Variants in CHCHD5 observed in about 807,000 individuals in gnomAD.
The protein encoded by CHCHD5 is coiled-coil-helix-coiled-coil-helix domain containing 5, also known as coiled-coil-helix-coiled-coil-helix domain-containing protein 5.
Under a neutral mutation model 16.0 loss-of-function variants are expected in CHCHD5, and 10 were observed. That is an observed-to-expected ratio of 0.63 (90% confidence interval 0.39 to 1.06). The LOEUF is 1.06. CHCHD5 is among the 50% of genes least tolerant of loss of function. The pLI, the probability that CHCHD5 is intolerant of heterozygous loss-of-function variation, is 0.01. For missense variants in CHCHD5, 163 were observed against 153.4 expected (o/e 1.06, Z -0.33); for synonymous variants, 55 against 56.3 (o/e 0.98, Z 0.10).
chr2:112,584,695 C>G, intron 1 of CHCHD5, 46 bp downstream of exon 1: 1 of 1,612,376 alleles, frequency 6.2e-7, no homozygotes, highest in Non-Finnish European at 8.5e-7. Context: ...CGCTCCCCTT[C>G]TTTTACCCAG....
At chr2:112,588,216 G>A (rs1382973934) in intron 3 of CHCHD5, 2 of 152,022 alleles carry the variant, frequency 1.3e-5, no homozygotes, top group Admixed American at 6.6e-5. Flanking sequence ...CTTGAACCCA[G>A]GAGGCAGAGG....
intron 1 of CHCHD5, 29 bp downstream of exon 1, chr2:112,584,678 G>T: frequency 6.2e-7 from 1 of 1,613,648 alleles, no homozygotes; most frequent in Middle Eastern, 1.7e-4. Context: ...TACCCCATAC[G>T]TGCTGCCGCT....
chr2:112,585,152 C>T (rs1317491589), intron 1 of CHCHD5, among the ~76,000 whole-genome samples: 3 of 152,176 alleles, frequency 2.0e-5, no homozygotes, highest in Admixed American at 2.0e-4. Flanking sequence ...CCAGGGCTTC[C>T]AGACTTCACG....
intron 3 of CHCHD5, 87 bp downstream of exon 3, chr2:112,586,452 A>C: frequency 6.3e-7 from 1 of 1,588,150 alleles, no homozygotes; most frequent in Non-Finnish European, 8.6e-7. Flanking sequence ...CTTTGGAGTC[A>C]TCCTCAGCCC....
chr2:112,586,326 T>C lies in CHCHD5; in HGVS notation c.270T>C (p.Ala90=). The C allele has an allele frequency of 6.2e-7, 1 of 1,614,246 alleles. No homozygotes were observed. The highest frequency in any genetic ancestry group is 8.5e-7 in the Non-Finnish European group (1 of 1,180,032). The change falls in exon 3 of 4, where the codon GCT becomes GCC. Residue 90 remains alanine (A), a synonymous_variant. Coordinates refer to ENST00000324913, the MANE Select transcript of CHCHD5 (RefSeq NM_032309.4). The stretch of plus-strand genomic sequence containing the variant: ...ATATGCGCCGCTTCCTGCAGTGCGC[T>C]GAGCAGGTGCAGCCGCCACGCTCAC... ...AEHMRRFLQC[A]EQVQPPRSPA...
Position 112,588,912 on chromosome 2 carries a change from A to C in CHCHD5, c.*23A>C. On this transcript the variant is annotated 3_prime_UTR_variant, in exon 4 of 4. Coordinates refer to ENST00000324913, the MANE Select transcript of CHCHD5 (RefSeq NM_032309.4). The stretch of plus-strand genomic sequence containing the variant: ...TGAGGACTCCTCTGACGGCAGGAAA[A>C]CTGGACATGAATGACTGCCCCCACG... 6.2e-7 allele frequency: 1 copy of C among 1,601,358 alleles called. No individual in the cohort carries two copies. Among genetic ancestry groups the C allele is most frequent in the Non-Finnish European group, 8.6e-7 (1 of 1,168,850 alleles).
In CHCHD5 at chr2:112,588,919, A is replaced by G. The variant is rs770303560; in HGVS notation, c.*30A>G. Reference sequence around the variant, plus strand: ...TCCTCTGACGGCAGGAAAACTGGACATGAATGACTGCCCCCACGCCCCTCC... The same window carrying G: ...TCCTCTGACGGCAGGAAAACTGGACGTGAATGACTGCCCCCACGCCCCTCC... On this transcript the variant is annotated 3_prime_UTR_variant, in exon 4 of 4. Transcript: ENST00000324913. 2.5e-6 allele frequency: 4 copies of G among 1,588,420 alleles called. No homozygotes were observed. The highest frequency in any genetic ancestry group is 3.3e-5 in the Admixed American group (2 of 59,790).
At chr2:112,586,486 TG>T (rs1403649707) in intron 3 of CHCHD5, 121 bp downstream of exon 3, 2 of 1,559,612 alleles carry the variant, frequency 1.3e-6, no homozygotes, top group East Asian at 4.8e-5. Flanking sequence ...CACAGGCCTT[TG>T]CCATGCATCC....
At position 112,585,912 on chromosome 2, in the gene CHCHD5, A is replaced by G. The variant is rs1391888426; in HGVS notation, c.3-62A>G. ...CCCTGTCTCTAAAAAATAAAAAAAA[A>G]AAAAAGAATTCCCTTGCTTGCCTAC... On this transcript the variant is annotated intron_variant, in intron 1 of 3. Coordinates refer to ENST00000324913, the MANE Select transcript of CHCHD5 (RefSeq NM_032309.4). 6 of 1,558,248 alleles carry G rather than the reference A, an allele frequency of 3.9e-6. No individual in the cohort carries two copies. The East Asian group carries it at 6.8e-5, about 18-fold the overall frequency.
chr2:112,588,630 C>A, intron 3 of CHCHD5: 1 of 516,180 alleles, frequency 1.9e-6, no homozygotes, highest in Non-Finnish European at 3.4e-6. Flanking sequence ...GAGAGTTTTG[C>A]CTGCTGGGTA....
Position 112,589,020 on chromosome 2 carries a change from A to G in CHCHD5, c.*131A>G. Reference sequence around the variant, plus strand: ...TCCTGGATATCAGGACTTCCAATAAATAAAGACTCTGTATACTGGGCTTTG... The same window carrying G: ...TCCTGGATATCAGGACTTCCAATAAGTAAAGACTCTGTATACTGGGCTTTG... On this transcript the variant is annotated 3_prime_UTR_variant, in exon 4 of 4. Coordinates refer to ENST00000324913, the MANE Select transcript of CHCHD5 (RefSeq NM_032309.4). The G allele has an allele frequency of 1.5e-6, 1 of 684,456 alleles. No homozygotes were observed. The highest frequency in any genetic ancestry group is 2.6e-6 in the Non-Finnish European group (1 of 382,650). 42.4% of individuals were successfully genotyped at this position (684,456 alleles called of 1,614,324 possible). A position where few individuals can be genotyped will look rare whatever the true frequency, so the allele number is the denominator to read the frequency against.
intron 3 of CHCHD5, chr2:112,586,637 C>T (rs1685236165): frequency 1.0e-5 from 15 of 1,459,782 alleles, no homozygotes; most frequent in South Asian, 4.2e-5. Context: ...CTCCATAAAG[C>T]GGCCTGGGTG....
At chr2:112,586,740 T>A (rs1685238474) in intron 3 of CHCHD5, 2 of 787,170 alleles carry the variant, frequency 2.5e-6, no homozygotes, top group Non-Finnish European at 3.9e-6. Context: ...TCCAGGTCCT[T>A]GCTGGGTTCT....
chr2:112,585,963 C>T lies in CHCHD5; in HGVS notation c.3-11C>T. The T allele has an allele frequency of 2.5e-6, 4 of 1,612,508 alleles. No homozygotes were observed. In the South Asian group the frequency reaches 4.4e-5, roughly 18 times the overall value. ...TGCCTGGAATGATCCTCAGCCCATC[C>T]TGTCCCACAGGCAGGCGGCCCTAGA... On this transcript the variant is annotated splice_polypyrimidine_tract_variant and intron_variant, in intron 1 of 3. Coordinates refer to ENST00000324913, the MANE Select transcript of CHCHD5 (RefSeq NM_032309.4).
chr2:112,586,847 G>T, intron 3 of CHCHD5: 1 of 410,410 alleles, frequency 2.4e-6, no homozygotes, highest in Non-Finnish European at 4.4e-6. Context: ...GGGCTGGGCT[G>T]GGGTGGCCAA....
chr2:112,588,782 G>T, intron 3 of CHCHD5, 84 bp from the exon 4 acceptor site: 1 of 1,054,336 alleles, frequency 9.5e-7, no homozygotes, highest in Non-Finnish European at 1.5e-6. Flanking sequence ...GGCTCTGCAG[G>T]GTCTCCCTCT....
upstream of CHCHD5, chr2:112,584,603 C>T (rs748480989): frequency 6.2e-7 from 1 of 1,611,776 alleles, no homozygotes; most frequent in Non-Finnish European, 8.5e-7. Flanking sequence ...CCGGAAAAGG[C>T]GGGTCGTTCC....
In CHCHD5 at chr2:112,588,568, G is replaced by A. The variant is rs536748055; in HGVS notation, c.310-298G>A. The A allele has an allele frequency of 1.5e-4, 60 of 407,330 alleles. No individual in the cohort carries two copies. In the East Asian group the frequency reaches 1.7e-3, roughly 11 times the overall value. The allele number at this position is 407,330 out of a possible 1,614,324, so 25.2% of individuals were successfully genotyped here. Reference sequence around the variant, plus strand: ...TTACCCTGATTAAATTTTCTTCATCGAATTTCTTGGATGTTGACATATTTA... The same window carrying A: ...TTACCCTGATTAAATTTTCTTCATCAAATTTCTTGGATGTTGACATATTTA... On this transcript the variant is annotated intron_variant, in intron 3 of 3. Coordinates refer to ENST00000324913, the MANE Select transcript of CHCHD5 (RefSeq NM_032309.4).
In CHCHD5 at chr2:112,586,050, C is replaced by T. The variant is rs1254919315; in HGVS notation, c.79C>T (p.Pro27Ser). ...EQYGQCVAAKPESWQRDCHYL... is the reference protein window; with the variant it reads ...EQYGQCVAAKSESWQRDCHYL... Reference sequence around the variant, plus strand: ...GTATGGCCAGTGTGTGGCGGCCAAGCCGGAATCCTGGCAGCGGGACTGTCA... The same window carrying T: ...GTATGGCCAGTGTGTGGCGGCCAAGTCGGAATCCTGGCAGCGGGACTGTCA... The change falls in exon 2 of 4, where the codon CCG becomes TCG. Residue 27 changes from proline to serine, a missense_variant. Pro to Ser is a moderately conservative substitution (Grantham distance 74). Transcript: ENST00000324913. 1 of 1,614,260 alleles carries T rather than the reference C, an allele frequency of 6.2e-7. No homozygotes were observed. Among genetic ancestry groups the T allele is most frequent in the African/African-American group, 1.3e-5 (1 of 75,070 alleles).
Sources: allele counts gnomAD v4.1 joint callset (sites outside exome capture counted in the v4.1 genomes callset), GRCh38; gene constraint gnomAD v4.1.1; transcripts MANE v1.5; gene names NCBI Gene and HGNC (gene_info 2026-07-23, HGNC 2026-07-21).